Variants in LMTK2 observed in about 807,000 individuals in gnomAD.
LMTK2 encodes the protein serine/threonine-protein kinase LMTK2.
Under a neutral mutation model 127.5 loss-of-function variants are expected in LMTK2, and 37 were observed. The ratio of observed to expected loss-of-function variants is 0.29; its 90% CI spans 0.22 to 0.38. The LOEUF (loss-of-function observed/expected upper bound fraction) is 0.38, where lower values mean the gene tolerates loss of function less well. Ranked by LOEUF, LMTK2 falls within the 10% of genes least tolerant of loss-of-function variation. The pLI, the probability that LMTK2 is intolerant of heterozygous loss-of-function variation, is 1.00. For synonymous variants in LMTK2, 819 were observed against 810.1 expected (o/e 1.01, Z -0.19); for missense variants, 1,694 against 1,920.3 (o/e 0.88, Z 2.20).
chr7:98,172,677 C>T (rs1797211850), intron 7 of LMTK2, among the ~76,000 whole-genome samples: 1 of 152,212 alleles, frequency 6.6e-6, no homozygotes, highest in South Asian at 2.1e-4. Context: ...AATCATTTAA[C>T]TCTTAGTAAT....
At chr7:98,157,148 A>G (rs1796936573) in intron 5 of LMTK2, among the ~76,000 whole-genome samples, 1 of 151,958 alleles carries the variant, frequency 6.6e-6, no homozygotes, top group Admixed American at 6.6e-5. Context: ...GCTCCTCAGG[A>G]AGCTGAGGCA....
chr7:98,198,236 G>A (rs1269187191), intron 11 of LMTK2, among the ~76,000 whole-genome samples: 1 of 150,400 alleles, frequency 6.6e-6, no homozygotes, highest in Admixed American at 6.6e-5. Flanking sequence ...CTGTCGCCAG[G>A]TTGGAGGGCA....
intron 2 of LMTK2, among the ~76,000 whole-genome samples, chr7:98,138,619 G>A (rs1351694148): frequency 6.6e-6 from 1 of 152,202 alleles, no homozygotes; most frequent in Admixed American, 6.5e-5. Context: ...CTAGTAGTAG[G>A]GGCACAGTTG....
intron 1 of LMTK2, among the ~76,000 whole-genome samples, chr7:98,111,989 C>G (rs950648242): frequency 5.3e-5 from 8 of 152,176 alleles, no homozygotes; most frequent in African/African-American, 1.7e-4. Context: ...TGGAAGATGA[C>G]TAAAGCTCTT....
intron 4 of LMTK2, among the ~76,000 whole-genome samples, chr7:98,153,719 C>T (rs1414094445): frequency 2.0e-5 from 3 of 151,982 alleles, no homozygotes; most frequent in East Asian, 3.9e-4. Context: ...AAAAAAAATT[C>T]GCTGAGTGGG....
At position 98,193,134 on chromosome 7, in the gene LMTK2, G is replaced by T; in HGVS notation, c.2669G>T (p.Ser890Ile). 1 of 1,613,542 alleles carries T rather than the reference G, an allele frequency of 6.2e-7. No individual in the cohort carries two copies. Among genetic ancestry groups the T allele is most frequent in the Non-Finnish European group, 8.5e-7 (1 of 1,180,010 alleles). Reference sequence around the variant, plus strand: ...AGGTCCCAGGACTCTCCTGGCGAGAGTGAGGAGACCCTGCGACTCACCGAA... The same window carrying T: ...AGGTCCCAGGACTCTCCTGGCGAGATTGAGGAGACCCTGCGACTCACCGAA... ...DNRSQDSPGE[S>I]EETLRLTESD... The change falls in exon 11 of 14, where the codon AGT (serine) becomes ATT (isoleucine). Residue 890 changes from serine to isoleucine, a missense_variant. Physicochemically the swap from Ser to Ile is moderately radical, Grantham distance 142 (BLOSUM62 -2). This residue lies in a region of LMTK2 where 527 missense variants were observed against 539.8 expected (regional missense o/e 0.98). Coordinates refer to ENST00000297293, the MANE Select transcript of LMTK2 (RefSeq NM_014916.4). The surrounding 1 kb of genome is among the most constrained non-coding windows in gnomAD (Gnocchi z 4.1).
At chr7:98,173,898 T>C (rs1190122836) in intron 7 of LMTK2, among the ~76,000 whole-genome samples, 1 of 151,982 alleles carries the variant, frequency 6.6e-6, no homozygotes, top group Non-Finnish European at 1.5e-5. Context: ...CTACTAAAAA[T>C]ACAAAAAATT....
intron 9 of LMTK2, among the ~76,000 whole-genome samples, chr7:98,188,072 C>A (rs1195071294): frequency 6.6e-6 from 1 of 152,170 alleles, no homozygotes; most frequent in African/African-American, 2.4e-5. Flanking sequence ...AGTCACCCTT[C>A]AGTGCTTTAG....
At chr7:98,140,925 T>C (rs1796688582) in intron 2 of LMTK2, among the ~76,000 whole-genome samples, 1 of 151,592 alleles carries the variant, frequency 6.6e-6, no homozygotes, top group Non-Finnish European at 1.5e-5. Context: ...GGCGTGGTGA[T>C]GCGTGCCTGT....
Position 98,192,357 on chromosome 7 carries a change from CT to C in LMTK2, c.1895del (p.Phe632SerfsTer23). 1 of 1,592,858 alleles carries C rather than the reference CT, an allele frequency of 6.3e-7. No homozygotes were observed. Among genetic ancestry groups the C allele is most frequent in the Non-Finnish European group, 8.5e-7 (1 of 1,172,990 alleles). ...CACGTGACCAGTGGCCCCGAGAGCCCTTTCAACAATATATTTAATGATGTGG... is the reference window on the plus strand; with the variant it reads ...CACGTGACCAGTGGCCCCGAGAGCCCTTCAACAATATATTTAATGATGTGG... ...DLHVTSGPESPFNNIFNDVDK... is the reference protein window; with the variant it reads ...DLHVTSGPESXFNNIFNDVDK... On this transcript the variant is annotated frameshift_variant, in exon 11 of 14. Coordinates refer to ENST00000297293, the MANE Select transcript of LMTK2 (RefSeq NM_014916.4). LOFTEE classifies it high-confidence loss of function.
intron 13 of LMTK2, among the ~76,000 whole-genome samples, chr7:98,205,241 AC>A (rs752546338): frequency 2.0e-5 from 3 of 152,078 alleles, no homozygotes; most frequent in Admixed American, 2.0e-4. Context: ...CTTCTTCTGC[AC>A]CCTGACCCTT....
intron 5 of LMTK2, among the ~76,000 whole-genome samples, chr7:98,157,640 T>TAAA (rs34715220): frequency 3.5e-5 from 4 of 114,390 alleles, no homozygotes; most frequent in African/African-American, 3.4e-5. Flanking sequence ...GCTCCCACAT[T>TAAA]AAAAAAAAAA....
In LMTK2 at chr7:98,152,513, A is replaced by G. The variant is rs531270772; in HGVS notation, c.450+1058A>G. Among the ~76,000 whole-genome samples the G allele has an allele frequency of 3.3e-5, 5 of 152,322 alleles. No individual in the cohort carries two copies. In the East Asian group the frequency reaches 9.6e-4, roughly 29 times the overall value. ...CATTGTTCTTGGTGCTAGGGGCACG[A>G]TGTGGAGGAAGATGGGTCAAACCTT... On this transcript the variant is annotated intron_variant, in intron 4 of 13. Transcript: ENST00000297293.
In LMTK2 at chr7:98,209,205, T is replaced by G. The variant is rs558717731; in HGVS notation, c.*3713T>G. The G allele has an allele frequency of 3.9e-5, 6 of 152,334 alleles. No individual in the cohort carries two copies. The East Asian group carries it at 1.2e-3, about 29-fold the overall frequency. The allele number at this position is 152,334 out of a possible 1,614,324, so 9.4% of individuals were successfully genotyped here. A position where few individuals can be genotyped will look rare whatever the true frequency, so the allele number is the denominator to read the frequency against. Reference sequence around the variant, plus strand: ...TAAGTAGCAATGGGGTTGGCTCAAGTCTTTATTAACAAAGAACATTCTCTT... The same window carrying G: ...TAAGTAGCAATGGGGTTGGCTCAAGGCTTTATTAACAAAGAACATTCTCTT... On this transcript the variant is annotated 3_prime_UTR_variant, in exon 14 of 14. Coordinates refer to ENST00000297293, the MANE Select transcript of LMTK2 (RefSeq NM_014916.4).
At chr7:98,162,896 G>A (rs535091770) in intron 6 of LMTK2, among the ~76,000 whole-genome samples, 1 of 152,182 alleles carries the variant, frequency 6.6e-6, no homozygotes, top group African/African-American at 2.4e-5. Flanking sequence ...GGTGTCCATC[G>A]ATGGGTGAAT....
Position 98,163,230 on chromosome 7 carries a change from T to C in LMTK2, c.657+3805T>C, listed in dbSNP as rs73710382. On this transcript the variant is annotated intron_variant, in intron 6 of 13. Coordinates refer to ENST00000297293, the MANE Select transcript of LMTK2 (RefSeq NM_014916.4). ...GGTAATGGTTGTGCAGCAAGAAGAATGTACTTAACTCTGGAATTGTAAAGT... is the reference window on the plus strand; with the variant it reads ...GGTAATGGTTGTGCAGCAAGAAGAACGTACTTAACTCTGGAATTGTAAAGT... Among the ~76,000 whole-genome samples the C allele has an allele frequency of 3.4e-3, 521 of 152,260 alleles. 7 individuals carry two copies. Among genetic ancestry groups the C allele is most frequent in the African/African-American group, 0.012 (498 of 41,532 alleles).
intron 13 of LMTK2, among the ~76,000 whole-genome samples, chr7:98,204,561 A>G (rs1243379052): frequency 6.6e-6 from 1 of 152,238 alleles, no homozygotes; most frequent in African/African-American, 2.4e-5. Context: ...CAGGAGTTCA[A>G]GGCTACAGTG....
intron 6 of LMTK2, among the ~76,000 whole-genome samples, chr7:98,167,441 G>T (rs914457473): frequency 6.6e-6 from 1 of 152,226 alleles, no homozygotes; most frequent in African/African-American, 2.4e-5. Context: ...CAGGGAGGCC[G>T]CAGGGAGACT....
At chr7:98,136,706 A>G (rs557666416) in intron 1 of LMTK2, among the ~76,000 whole-genome samples, 2 of 152,214 alleles carry the variant, frequency 1.3e-5, no homozygotes, top group Non-Finnish European at 2.9e-5. Flanking sequence ...CAAGCAGGAC[A>G]GTTCACCCCA....
Sources: gnomAD v4.1 joint callset for allele counts (sites outside exome capture counted in the v4.1 genomes callset) on GRCh38, gnomAD v4.1.1 for gene constraint, gnomAD v4.1.1 regional missense constraint, Gnocchi (gnomAD v3.1) non-coding constraint, MANE v1.5 for transcripts, NCBI Gene and HGNC (gene_info 2026-07-23, HGNC 2026-07-21) for gene names.